Variants in DMD observed in about 807,000 individuals in gnomAD.
DMD encodes mutant dystrophin.
DMD carries 63 observed loss-of-function variants against 330.1 expected under a neutral mutation model. The ratio of observed to expected loss-of-function variants is 0.19; its 90% CI spans 0.16 to 0.24. The LOEUF (loss-of-function observed/expected upper bound fraction) is 0.24, where lower values mean the gene tolerates loss of function less well. DMD is among the 10% of genes least tolerant of loss of function. DMD has a pLI of 1.00. For synonymous variants in DMD, 1,223 were observed against 959.8 expected (o/e 1.27, Z -5.07); for missense variants, 3,344 against 2,684.1 (o/e 1.25, Z -5.43).
intron 9 of DMD, among the ~76,000 whole-genome samples, chrX:32,651,282 A>C: frequency 1.8e-5 from 2 of 109,195 alleles, no homozygotes; most frequent in Admixed American, 9.9e-5. Context: ...AGCTGGGATT[A>C]CAGGCACAAG....
rs143018308 is a variant in DMD at position 32,565,481 on chromosome X, G to C, written c.1992+221C>G. Among the ~76,000 whole-genome samples the C allele has an allele frequency of 3.8e-3, 427 of 111,555 alleles. 5 individuals are homozygous for C. The highest frequency in any genetic ancestry group is 0.013 in the African/African-American group (394 of 30,676). ...GTTCCCCGTTACTATTGGGCTGGAAGAAATTCACTCTAGGGCAGTAACAAG... is the reference window on the plus strand; with the variant it reads ...GTTCCCCGTTACTATTGGGCTGGAACAAATTCACTCTAGGGCAGTAACAAG... On this transcript the variant is annotated intron_variant, in intron 16 of 78. Coordinates refer to ENST00000357033, the MANE Select transcript of DMD (RefSeq NM_004006.3).
At chrX:33,063,747 T>C (rs2094609125) in intron 1 of DMD, among the ~76,000 whole-genome samples, 1 of 110,529 alleles carries the variant, frequency 9.0e-6, no homozygotes, top group Admixed American at 9.8e-5. Context: ...CCTAAGCCCA[T>C]ACCCCACCCC....
In DMD at chrX:32,310,171, C is replaced by T; in HGVS notation, c.6028G>A (p.Ala2010Thr). Residue 2010 changes from alanine to threonine, a missense_variant, in exon 42 of 79, where the codon GCC (alanine) becomes ACC (threonine). Ala to Thr is a moderately conservative substitution (Grantham distance 58). Transcript: ENST00000357033. ...AGAAGTTGTTCCACTTCTAATAGGGCTTGTGAGACATGAGTGATTTCAGTC... is the reference window on the plus strand; with the variant it reads ...AGAAGTTGTTCCACTTCTAATAGGGTTTGTGAGACATGAGTGATTTCAGTC... Reference protein sequence around the residue: ...YLTEITHVSQALLEVEQLLNA... With the variant: ...YLTEITHVSQTLLEVEQLLNA... 8.3e-7 allele frequency: 1 copy of T among 1,208,709 alleles called. No individual in the cohort carries two copies. The highest frequency in any genetic ancestry group is 1.1e-6 in the Non-Finnish European group (1 of 893,152).
chrX:31,638,780 C>T (rs1001417903), intron 54 of DMD, among the ~76,000 whole-genome samples: 2 of 112,223 alleles, frequency 1.8e-5, no homozygotes, highest in Non-Finnish European at 3.8e-5. Flanking sequence ...ATAGCCTCCA[C>T]GTAAGTTGCA....
intron 50 of DMD, among the ~76,000 whole-genome samples, chrX:31,780,566 C>G (rs1032636681): frequency 8.9e-6 from 1 of 111,767 alleles, no homozygotes; most frequent in African/African-American, 3.2e-5. Flanking sequence ...AGAATATTTT[C>G]TTTTTGAATA....
chrX:33,070,673 C>CTCTCTCTCTCTCTCTATATATA (rs1192910156), intron 1 of DMD, among the ~76,000 whole-genome samples: 1 of 35,656 alleles, frequency 2.8e-5, no homozygotes. Context: ...CTCTCTCTCT[C>CTCTCTCTCTCTCTCTATATATA]TATATATATA....
intron 63 of DMD, among the ~76,000 whole-genome samples, chrX:31,239,019 T>G (rs1020901783): frequency 8.9e-6 from 1 of 112,352 alleles, no homozygotes; most frequent in Non-Finnish European, 1.9e-5. Flanking sequence ...AGTTTTTTGC[T>G]CCCATAGAAA....
At chrX:31,675,049 T>C (rs1438041951) in intron 53 of DMD, among the ~76,000 whole-genome samples, 2 of 112,662 alleles carry the variant, frequency 1.8e-5, no homozygotes, top group Non-Finnish European at 3.7e-5. Flanking sequence ...ACCAGGCCCA[T>C]AGAGAAGATA....
At chrX:32,797,045 C>T (rs915837664) in intron 7 of DMD, among the ~76,000 whole-genome samples, 6 of 111,848 alleles carry the variant, frequency 5.4e-5, no homozygotes, top group African/African-American at 1.9e-4. Flanking sequence ...ATGTACCAAC[C>T]TAATATCTAT....
At chrX:33,311,639 G>A (rs2053850699) in intron 1 of DMD, among the ~76,000 whole-genome samples, 1 of 110,297 alleles carries the variant, frequency 9.1e-6, no homozygotes, top group Non-Finnish European at 1.9e-5. Flanking sequence ...CTAGTACAAG[G>A]AATTTCTTGA....
intron 34 of DMD, among the ~76,000 whole-genome samples, chrX:32,377,651 A>T (rs1334480962): frequency 2.7e-5 from 3 of 111,368 alleles, no homozygotes; most frequent in African/African-American, 9.8e-5. Context: ...GATACAGAAA[A>T]TTTTTTTCTG....
chrX:32,495,789 T>C (rs2043436911), intron 19 of DMD, among the ~76,000 whole-genome samples: 1 of 112,036 alleles, frequency 8.9e-6, no homozygotes, highest in South Asian at 3.7e-4. Flanking sequence ...TCTAAGAGTT[T>C]GTAAGTGTAA....
At chrX:31,914,925 GGGGT>G (rs1204727815) in intron 47 of DMD, among the ~76,000 whole-genome samples, 4 of 112,499 alleles carry the variant, frequency 3.6e-5, no homozygotes, top group Admixed American at 9.4e-5. Flanking sequence ...AATGCTGGAG[GGGGT>G]GGATCCCCCG....
At chrX:31,933,316 T>C (rs1459064708) in intron 45 of DMD, among the ~76,000 whole-genome samples, 2 of 111,672 alleles carry the variant, frequency 1.8e-5, no homozygotes, top group Non-Finnish European at 3.8e-5. Context: ...CTAAACTGTT[T>C]TCCGAATTAT....
intron 2 of DMD, among the ~76,000 whole-genome samples, chrX:32,951,767 T>A (rs777748735): frequency 8.9e-6 from 1 of 112,075 alleles, no homozygotes; most frequent in Non-Finnish European, 1.9e-5. Flanking sequence ...TTATATTTCT[T>A]TGAAATAAAT....
chrX:31,974,619 C>T (rs1292584045), intron 44 of DMD, among the ~76,000 whole-genome samples: 1 of 109,426 alleles, frequency 9.1e-6, no homozygotes, highest in Admixed American at 9.8e-5. Flanking sequence ...AGGAGCAGGC[C>T]TTGTTAGATT....
chrX:31,803,704 CTTTTT>C (rs2092178368), intron 50 of DMD, among the ~76,000 whole-genome samples: 2 of 89,408 alleles, frequency 2.2e-5, no homozygotes, highest in South Asian at 6.3e-4. Context: ...CTCTCTCTTT[CTTTTT>C]ATTTTTTGAG....
chrX:32,761,053 G>C (rs1353430035), intron 7 of DMD, among the ~76,000 whole-genome samples: 1 of 111,570 alleles, frequency 9.0e-6, no homozygotes, highest in Admixed American at 9.5e-5. Flanking sequence ...TGATTGCAAT[G>C]CCTTTTTATT....
chrX:32,556,918 A>C (rs1339807500), intron 16 of DMD, among the ~76,000 whole-genome samples: 2 of 112,036 alleles, frequency 1.8e-5, no homozygotes, highest in Non-Finnish European at 3.8e-5. Context: ...CTAATTTAGC[A>C]TAAAATCTTT....
Sources: allele counts gnomAD v4.1 joint callset (sites outside exome capture counted in the v4.1 genomes callset), GRCh38; gene constraint gnomAD v4.1.1; transcripts MANE v1.5; gene names NCBI Gene and HGNC (gene_info 2026-07-23, HGNC 2026-07-21).